Variants in TSPAN12 observed in about 807,000 individuals in gnomAD.
The protein encoded by TSPAN12 is tetraspanin-12.
A neutral mutation model predicts 39.2 loss-of-function variants in TSPAN12; 19 were observed. The ratio of observed to expected loss-of-function variants is 0.49; its 90% confidence interval spans 0.34 to 0.71. The LOEUF (loss-of-function observed/expected upper bound fraction) is 0.71, where lower values mean the gene tolerates loss of function less well. Among genes scored for constraint, TSPAN12 ranks in the 30% least tolerant of loss-of-function variants. TSPAN12 has a pLI of 0.01. For synonymous variants in TSPAN12, 119 were observed against 124.8 expected (o/e 0.95, Z 0.31); for missense variants, 314 against 359.9 (o/e 0.87, Z 1.03).
intron 7 of TSPAN12, among the ~76,000 whole-genome samples, chr7:120,802,246 A>T (rs1793786092): frequency 6.6e-6 from 1 of 152,222 alleles, no homozygotes; most frequent in African/African-American, 2.4e-5. Context: ...TCCAAAGAAC[A>T]GGGGAGTGGG....
At chr7:120,814,024 G>C (rs1311361615) in intron 5 of TSPAN12, 1 of 306,560 alleles carries the variant, frequency 3.3e-6, no homozygotes, top group Non-Finnish European at 6.4e-6. Context: ...TTGTACATTG[G>C]AAGCATGAGT....
At chr7:120,853,735 A>G (rs528226316) in intron 2 of TSPAN12, among the ~76,000 whole-genome samples, 15 of 151,038 alleles carry the variant, frequency 9.9e-5, no homozygotes, top group African/African-American at 3.6e-4. Context: ...TTAGCTGGGC[A>G]TGGTGGTGCA....
At chr7:120,815,083 A>G (rs1276278585) in intron 5 of TSPAN12, among the ~76,000 whole-genome samples, 1 of 152,210 alleles carries the variant, frequency 6.6e-6, no homozygotes, top group East Asian at 1.9e-4. Flanking sequence ...TTTAGAACAT[A>G]TACTATATTT....
intron 2 of TSPAN12, among the ~76,000 whole-genome samples, chr7:120,853,771 G>A (rs990005571): frequency 6.6e-6 from 1 of 150,808 alleles, no homozygotes; most frequent in Non-Finnish European, 1.5e-5. Flanking sequence ...CTACTCAGGA[G>A]GCTGAGGCAG....
intron 4 of TSPAN12, among the ~76,000 whole-genome samples, chr7:120,816,216 T>C: frequency 6.6e-6 from 1 of 151,648 alleles, no homozygotes; most frequent in Non-Finnish European, 1.5e-5. Context: ...GCAATGGGGG[T>C]TGGGGGGTTT....
At chr7:120,831,005 G>C (rs1427150289) in intron 4 of TSPAN12, among the ~76,000 whole-genome samples, 1 of 151,828 alleles carries the variant, frequency 6.6e-6, no homozygotes, top group Non-Finnish European at 1.5e-5. Context: ...TTTCTTAAAA[G>C]ATGACATGCA....
At chr7:120,823,114 C>G (rs1243033022) in intron 4 of TSPAN12, among the ~76,000 whole-genome samples, 1 of 151,940 alleles carries the variant, frequency 6.6e-6, no homozygotes, top group East Asian at 1.9e-4. Context: ...AGACATGCTT[C>G]CTAAAATGAG....
At chr7:120,799,531 TA>T (rs1310819814) in intron 7 of TSPAN12, among the ~76,000 whole-genome samples, 1 of 111,734 alleles carries the variant, frequency 8.9e-6, no homozygotes, top group African/African-American at 3.5e-5. Flanking sequence ...TAATTATATA[TA>T]ATTATATATA....
rs555116036 is a variant in TSPAN12, at chr7:120,806,992, T to C, written c.469-300A>G. Among the ~76,000 whole-genome samples the C allele has an allele frequency of 5.3e-5, 8 of 152,222 alleles. No homozygotes were observed. In the East Asian group the frequency reaches 1.5e-3, roughly 29 times the overall value. ...ACAAGTGACTATACATAGCAACAGATTGAACATACACACTAACAAACCCAA... is the reference window on the plus strand; with the variant it reads ...ACAAGTGACTATACATAGCAACAGACTGAACATACACACTAACAAACCCAA... On this transcript the variant is annotated intron_variant, in intron 6 of 7. Transcript: ENST00000222747.
intron 7 of TSPAN12, among the ~76,000 whole-genome samples, chr7:120,794,873 A>C (rs1396785113): frequency 6.6e-6 from 1 of 152,196 alleles, no homozygotes; most frequent in Non-Finnish European, 1.5e-5. Context: ...GTCTGTTCTG[A>C]ATCACTCTTA....
intron 4 of TSPAN12, among the ~76,000 whole-genome samples, 168 bp from the exon 5 acceptor site, chr7:120,815,971 AG>A (rs1794072845): frequency 6.6e-6 from 1 of 152,200 alleles, no homozygotes; most frequent in African/African-American, 2.4e-5. Context: ...AAATATCTGC[AG>A]ATAACATTTA....
chr7:120,797,263 G>GT (rs1235968066), intron 7 of TSPAN12, among the ~76,000 whole-genome samples: 1 of 152,218 alleles, frequency 6.6e-6, no homozygotes, highest in East Asian at 1.9e-4. Context: ...GTGGTGTTAA[G>GT]TGTAGGCCTT....
intron 7 of TSPAN12, among the ~76,000 whole-genome samples, chr7:120,790,505 C>A (rs1303329301): frequency 6.6e-6 from 1 of 151,996 alleles, no homozygotes; most frequent in Non-Finnish European, 1.5e-5. Context: ...GTAGAAAGAT[C>A]AAATTAAAAA....
intron 7 of TSPAN12, among the ~76,000 whole-genome samples, chr7:120,799,536 ATATATAAT>A (rs1354622590): frequency 9.2e-6 from 1 of 108,202 alleles, no homozygotes. Context: ...ATATATAATT[ATATATAAT>A]TATATATATA....
chr7:120,832,965 T>C (rs967956770), intron 4 of TSPAN12, among the ~76,000 whole-genome samples: 2 of 152,140 alleles, frequency 1.3e-5, no homozygotes, highest in African/African-American at 4.8e-5. Flanking sequence ...CAGTAATTAG[T>C]TAAATGCCTT....
At chr7:120,854,387 T>C (rs1033345511) in intron 2 of TSPAN12, among the ~76,000 whole-genome samples, 1 of 152,172 alleles carries the variant, frequency 6.6e-6, no homozygotes, top group Non-Finnish European at 1.5e-5. Flanking sequence ...TCATCATCAT[T>C]GTAGTAGTTA....
chr7:120,799,850 TTTAATAA>T (rs1309448774), intron 7 of TSPAN12, among the ~76,000 whole-genome samples: 1 of 140,010 alleles, frequency 7.1e-6, no homozygotes, highest in African/African-American at 2.6e-5. Context: ...TATTTAATAA[TTTAATAA>T]TTAATATGAT....
chr7:120,844,291 C>G (rs1261758400), intron 2 of TSPAN12, among the ~76,000 whole-genome samples: 1 of 152,138 alleles, frequency 6.6e-6, no homozygotes, highest in African/African-American at 2.4e-5. Flanking sequence ...TCATTCAACC[C>G]CTGGCCCCTC....
At chr7:120,804,734 A>G (rs1793836096) in intron 7 of TSPAN12, among the ~76,000 whole-genome samples, 1 of 152,150 alleles carries the variant, frequency 6.6e-6, no homozygotes, top group Non-Finnish European at 1.5e-5. Context: ...GGAACATAGG[A>G]TTGTTGCAGA....
Sources: gnomAD v4.1 joint callset for allele counts (sites outside exome capture counted in the v4.1 genomes callset) on GRCh38, gnomAD v4.1.1 for gene constraint, MANE v1.5 for transcripts, NCBI Gene and HGNC (gene_info 2026-07-23, HGNC 2026-07-21) for gene names.